Variants in CNBD1 observed in about 807,000 individuals in gnomAD.
CNBD1 encodes cyclic nucleotide binding domain containing 1.
CNBD1 carries 71 observed loss-of-function variants against 54.4 expected under a neutral mutation model. That is an observed-to-expected ratio of 1.30 (90% CI 1.08 to 1.59). The LOEUF is 1.59. Ranked by LOEUF, CNBD1 falls within the 40% of genes most tolerant of loss-of-function variation. CNBD1 has a pLI of 0.00. For synonymous variants in CNBD1, 182 were observed against 170.7 expected, an observed-to-expected ratio of 1.07 and a Z score of -0.51; for missense variants, 659 against 518.0, an observed-to-expected ratio of 1.27 and a Z score of -2.64.
chr8:86,955,500 T>G (rs1259955111), intron 4 of CNBD1, among the ~76,000 whole-genome samples: 1 of 152,216 alleles, frequency 6.6e-6, no homozygotes, highest in Non-Finnish European at 1.5e-5. Flanking sequence ...ACCTGTTGTT[T>G]CCTGACTTGT....
rs548601559 is a variant in CNBD1 at position 87,185,414 on chromosome 8, A to T, written c.432-20579A>T. Among the ~76,000 whole-genome samples, 7 of 152,298 alleles carry T rather than the reference A, an allele frequency of 4.6e-5. No homozygotes were observed. The East Asian group carries it at 1.4e-3, about 29-fold the overall frequency. ...TTAATTTTACCTTGGTGGCTGCTGA[A>T]CATGTTTATATCATCATACATAGTG... On this transcript the variant is annotated intron_variant, in intron 4 of 10. Transcript: ENST00000518476.
chr8:87,422,435 T>C (rs1361276275), intron 2 of CNBD1, among the ~76,000 whole-genome samples: 2 of 150,312 alleles, frequency 1.3e-5, no homozygotes, highest in African/African-American at 2.5e-5. Context: ...TAATCCATCT[T>C]GAATTGATTT....
intron 3 of CNBD1, among the ~76,000 whole-genome samples, chr8:86,924,672 G>A (rs1014718216): frequency 1.3e-5 from 2 of 152,136 alleles, no homozygotes; most frequent in South Asian, 2.1e-4. Flanking sequence ...TAGGCTATAA[G>A]TGAAAATGGA....
At chr8:87,212,431 G>A (rs1322814068) in intron 5 of CNBD1, among the ~76,000 whole-genome samples, 2 of 152,032 alleles carry the variant, frequency 1.3e-5, no homozygotes, top group Admixed American at 6.6e-5. Context: ...TGATAAAGTT[G>A]AAGGACTCAC....
chr8:87,344,997 T>C (rs914056625), intron 8 of CNBD1, among the ~76,000 whole-genome samples: 2 of 152,188 alleles, frequency 1.3e-5, no homozygotes, highest in African/African-American at 2.4e-5. Context: ...GACACAAATA[T>C]GAAAATATTT....
intron 1 of CNBD1, among the ~76,000 whole-genome samples, chr8:86,881,818 C>A (rs909257109): frequency 3.9e-5 from 6 of 152,092 alleles, no homozygotes; most frequent in African/African-American, 9.7e-5. Context: ...CAAGAACAGA[C>A]ACATAGACCA....
chr8:87,267,569 C>T (rs1808287427), intron 6 of CNBD1, among the ~76,000 whole-genome samples: 1 of 152,098 alleles, frequency 6.6e-6, no homozygotes, highest in South Asian at 2.1e-4. Flanking sequence ...AATGAGGTAA[C>T]ATGTACAAGA....
intron 4 of CNBD1, among the ~76,000 whole-genome samples, chr8:87,105,655 C>T (rs1258466573): frequency 6.6e-6 from 1 of 152,120 alleles, no homozygotes; most frequent in Non-Finnish European, 1.5e-5. Flanking sequence ...TGGCCTCCCA[C>T]CTGACAAAGA....
Position 86,896,283 on chromosome 8 carries a change from A to C in CNBD1, c.158+8672A>C, listed in dbSNP as rs529488213. Among the ~76,000 whole-genome samples the C allele has an allele frequency of 9.2e-5, 14 of 152,202 alleles. No homozygotes were observed. In the East Asian group the frequency reaches 2.7e-3, roughly 29 times the overall value. ...ATAATAACTGTACATGTTTGGGGGT[A>C]CATGTGATACCCCCAATCTTTATAA... On this transcript the variant is annotated intron_variant, in intron 2 of 10. Coordinates refer to ENST00000518476, the MANE Select transcript of CNBD1 (RefSeq NM_173538.3).
chr8:86,913,392 A>T (rs1025722011), intron 3 of CNBD1, among the ~76,000 whole-genome samples: 2 of 152,100 alleles, frequency 1.3e-5, no homozygotes, highest in African/African-American at 4.8e-5. Context: ...TACCATTGTT[A>T]TCGGGGGAAC....
intron 2 of CNBD1, among the ~76,000 whole-genome samples, chr8:87,424,303 C>A (rs1284698318): frequency 2.6e-5 from 4 of 151,968 alleles, no homozygotes; most frequent in African/African-American, 9.7e-5. Context: ...TTAGTTACTT[C>A]TTGCCTTCTG....
chr8:87,285,444 T>C (rs1299781256), intron 7 of CNBD1, among the ~76,000 whole-genome samples: 2 of 152,158 alleles, frequency 1.3e-5, no homozygotes, highest in Admixed American at 1.3e-4. Flanking sequence ...TTTGTATAAA[T>C]AATGAGATTG....
Position 87,353,717 on chromosome 8 carries a change from C to G in CNBD1, c.1234C>G (p.Pro412Ala), listed in dbSNP as rs775205356. Residue 412 changes from proline to alanine, a missense_variant, in exon 10 of 11, where the codon CCT becomes GCT. Pro to Ala is a conservative substitution (Grantham distance 27, BLOSUM62 -1). Transcript: ENST00000518476. Reference sequence around the variant, plus strand: ...TGAGATTAGCGTCCTTCTTCAAGTTCCTTTCACGTGCACAATCATTACCAA... The same window carrying G: ...TGAGATTAGCGTCCTTCTTCAAGTTGCTTTCACGTGCACAATCATTACCAA... ...FGEISVLLQV[P>A]FTCTIITKKE... 1.9e-6 allele frequency: 3 copies of G among 1,611,512 alleles called. No individual in the cohort carries two copies. The East Asian group carries it at 6.7e-5, about 36-fold the overall frequency.
chr8:87,268,549 T>C (rs1295694934), intron 6 of CNBD1, among the ~76,000 whole-genome samples: 3 of 152,046 alleles, frequency 2.0e-5, no homozygotes, highest in Non-Finnish European at 1.5e-5. Context: ...CAGTGGCTAA[T>C]TTACATTCCC....
chr8:87,273,990 A>G (rs1259814007), intron 6 of CNBD1, among the ~76,000 whole-genome samples: 5 of 141,748 alleles, frequency 3.5e-5, no homozygotes, highest in Admixed American at 2.3e-4. Flanking sequence ...CTCATTGTTC[A>G]ATTCCCACCT....
intron 4 of CNBD1, among the ~76,000 whole-genome samples, chr8:87,186,633 A>G (rs1371289998): frequency 6.6e-6 from 1 of 152,030 alleles, no homozygotes; most frequent in African/African-American, 2.4e-5. Flanking sequence ...AATGAACCAC[A>G]ATATAATGTA....
intron 8 of CNBD1, among the ~76,000 whole-genome samples, chr8:87,341,820 G>A (rs2130919760): frequency 6.6e-6 from 1 of 152,320 alleles, no homozygotes; most frequent in Admixed American, 6.5e-5. Context: ...GGTCTTATCA[G>A]CTTCCAGAAT....
At chr8:87,361,698 A>G (rs2130937145) in intron 10 of CNBD1, among the ~76,000 whole-genome samples, 1 of 150,456 alleles carries the variant, frequency 6.6e-6, no homozygotes, top group African/African-American at 2.4e-5. Context: ...GAATATATAT[A>G]TATATATATA....
chr8:87,246,983 C>A (rs13264977), intron 6 of CNBD1, among the ~76,000 whole-genome samples: 5 of 151,818 alleles, frequency 3.3e-5, no homozygotes, highest in African/African-American at 7.3e-5. Flanking sequence ...CAGTGACACC[C>A]GAATTATGTT....
Sources: gnomAD v4.1 joint callset for allele counts (sites outside exome capture counted in the v4.1 genomes callset) on GRCh38, gnomAD v4.1.1 for gene constraint, MANE v1.5 for transcripts, NCBI Gene and HGNC (gene_info 2026-07-23, HGNC 2026-07-21) for gene names.